The following SPATA17 variants were observed in gnomAD, a reference collection of about 807,000 sequenced individuals.
SPATA17 encodes the protein spermatogenesis associated 17, also known as spermatogenesis-associated protein 17.
In SPATA17, 53 loss-of-function variants were observed where a neutral mutation model predicts 62.2. The observed-to-expected ratio is 0.85, with a 90% confidence interval of 0.68 to 1.07. The LOEUF (loss-of-function observed/expected upper bound fraction) is 1.07, where lower values mean the gene tolerates loss of function less well. Ranked by LOEUF, SPATA17 falls within the 50% of genes least tolerant of loss-of-function variation. The pLI is 0.00. For missense variants in SPATA17, 466 were observed against 425.5 expected (o/e 1.10, Z -0.84); for synonymous variants, 146 against 146.8 (o/e 0.99, Z 0.04).
intron 9 of SPATA17, among the ~76,000 whole-genome samples, chr1:217,834,313 G>T (rs903469195): frequency 6.6e-6 from 1 of 152,040 alleles, no homozygotes. Context: ...TTATTTTAGC[G>T]TGTATTGCTT....
At chr1:217,720,863 G>A (rs989118003) in intron 5 of SPATA17, among the ~76,000 whole-genome samples, 2 of 152,160 alleles carry the variant, frequency 1.3e-5, no homozygotes, top group East Asian at 1.9e-4. Flanking sequence ...ACACTCCAGC[G>A]GAGAGGATGT....
intron 8 of SPATA17, among the ~76,000 whole-genome samples, chr1:217,797,565 C>T (rs1237672233): frequency 1.3e-5 from 2 of 151,994 alleles, no homozygotes; most frequent in Non-Finnish European, 2.9e-5. Flanking sequence ...TTACTGCTTT[C>T]TATATTATAA....
intron 6 of SPATA17, among the ~76,000 whole-genome samples, chr1:217,760,712 C>CA (rs1331056237): frequency 7.2e-5 from 11 of 152,090 alleles, no homozygotes; most frequent in African/African-American, 2.4e-4. Context: ...TTTTCTTTAA[C>CA]AAAAGAAAAT....
Position 217,870,339 on chromosome 1 carries a change from TGTAA to T in SPATA17, c.*3325_*3328del, listed in dbSNP as rs1409598714. 6.6e-6 allele frequency: 1 copy of T among 152,178 alleles called. No homozygotes were observed. Among genetic ancestry groups the T allele is most frequent in the Non-Finnish European group, 1.5e-5 (1 of 68,046 alleles). 9.4% of individuals were successfully genotyped at this position (152,178 alleles called of 1,614,324 possible). Reference sequence around the variant, plus strand: ...CTTAAGGCTCTTTATCGCTAGTGTATGTAAGTAATATCATTGTCCTTAACCACCA... The same window carrying T: ...CTTAAGGCTCTTTATCGCTAGTGTATGTAATATCATTGTCCTTAACCACCA... On this transcript the variant is annotated 3_prime_UTR_variant, in exon 11 of 11. Coordinates refer to ENST00000366933, the MANE Select transcript of SPATA17 (RefSeq NM_138796.4).
chr1:217,784,539 A>C (rs1385037575), intron 8 of SPATA17, among the ~76,000 whole-genome samples: 1 of 152,142 alleles, frequency 6.6e-6, no homozygotes, highest in Non-Finnish European at 1.5e-5. Flanking sequence ...TTCGGTTAGT[A>C]ATTTAGCCCA....
At chr1:217,852,135 A>C (rs1675680590) in intron 9 of SPATA17, among the ~76,000 whole-genome samples, 1 of 152,202 alleles carries the variant, frequency 6.6e-6, no homozygotes, top group Non-Finnish European at 1.5e-5. Context: ...ACCAGAGCCC[A>C]CAGTTACGAA....
chr1:217,754,582 A>T lies in SPATA17; in HGVS notation c.519+12484A>T, dbSNP rs114836073. ...ATGCTATTATGTATAACTGATAAAT[A>T]ATCAGTTTGTAAGGTTTGTCAGGTT... On this transcript the variant is annotated intron_variant, in intron 6 of 10. Coordinates refer to ENST00000366933, the MANE Select transcript of SPATA17 (RefSeq NM_138796.4). Among the ~76,000 whole-genome samples the T allele has an allele frequency of 2.3e-3, 346 of 152,280 alleles. 3 individuals carry two copies. The highest frequency in any genetic ancestry group is 8.1e-3 in the African/African-American group (337 of 41,572).
intron 3 of SPATA17, among the ~76,000 whole-genome samples, chr1:217,656,631 C>G (rs1558554026): frequency 2.6e-5 from 4 of 152,012 alleles, no homozygotes; most frequent in African/African-American, 9.7e-5. Flanking sequence ...AGGCATGAAA[C>G]AGAATCATAG....
chr1:217,850,613 G>T (rs1362339562), intron 9 of SPATA17: 1 of 1,594,364 alleles, frequency 6.3e-7, no homozygotes, highest in Non-Finnish European at 8.6e-7. Flanking sequence ...TGCCAGTCAG[G>T]GTCTTCACGA....
At chr1:217,837,631 C>T (rs750228346) in intron 9 of SPATA17, among the ~76,000 whole-genome samples, 3 of 152,012 alleles carry the variant, frequency 2.0e-5, no homozygotes, top group Non-Finnish European at 2.9e-5. Context: ...CTTTCTGGCC[C>T]TGCGTGTAGC....
chr1:217,831,511 A>G (rs1455046165), intron 9 of SPATA17, among the ~76,000 whole-genome samples: 1 of 152,264 alleles, frequency 6.6e-6, no homozygotes, highest in African/African-American at 2.4e-5. Flanking sequence ...GCCTCTCCTA[A>G]CTGCATCTTG....
intron 9 of SPATA17, among the ~76,000 whole-genome samples, chr1:217,851,517 C>T (rs1675665016): frequency 6.6e-6 from 1 of 152,220 alleles, no homozygotes; most frequent in East Asian, 1.9e-4. Context: ...TGTGACAGAA[C>T]TATTGACATT....
At chr1:217,700,556 G>A (rs938849341) in intron 5 of SPATA17, among the ~76,000 whole-genome samples, 2 of 151,900 alleles carry the variant, frequency 1.3e-5, no homozygotes, top group African/African-American at 4.8e-5. Context: ...TAGACATAAT[G>A]TGACCTGTCA....
At chr1:217,727,272 A>G (rs1384189888) in intron 5 of SPATA17, among the ~76,000 whole-genome samples, 1 of 147,142 alleles carries the variant, frequency 6.8e-6, no homozygotes, top group African/African-American at 2.6e-5. Context: ...TAATAATAAT[A>G]ATAATAATAA....
At chr1:217,793,030 C>G (rs983674635) in intron 8 of SPATA17, among the ~76,000 whole-genome samples, 10 of 152,040 alleles carry the variant, frequency 6.6e-5, no homozygotes, top group African/African-American at 2.4e-4. Context: ...GGGAAATATC[C>G]ATAGTGAACA....
intron 7 of SPATA17, 56 bp from the exon 8 acceptor site, chr1:217,782,118 G>T: frequency 6.6e-7 from 1 of 1,504,624 alleles, no homozygotes; most frequent in Non-Finnish European, 8.9e-7. Context: ...TTGGTCATCA[G>T]TAATACCTCA....
rs1320558965 is a variant in SPATA17 at position 217,871,368 on chromosome 1, AT to A, written c.*4352del. 2 of 151,784 alleles carry A rather than the reference AT, an allele frequency of 1.3e-5. No homozygotes were observed. Among genetic ancestry groups the A allele is most frequent in the African/African-American group, 2.4e-5 (1 of 41,312 alleles). 9.4% of individuals were successfully genotyped at this position (151,784 alleles called of 1,614,324 possible). ...ATTTTCTGTGCTAAATTCATCTTTAATTTATTATTTTTTTTCAACCTCAGCT... is the reference window on the plus strand; with the variant it reads ...ATTTTCTGTGCTAAATTCATCTTTAATTATTATTTTTTTTCAACCTCAGCT... On this transcript the variant is annotated 3_prime_UTR_variant, in exon 11 of 11. Coordinates refer to ENST00000366933, the MANE Select transcript of SPATA17 (RefSeq NM_138796.4).
At chr1:217,649,149 C>G (rs1404646761) in intron 2 of SPATA17, among the ~76,000 whole-genome samples, 178 bp downstream of exon 2, 1 of 151,384 alleles carries the variant, frequency 6.6e-6, no homozygotes, top group Non-Finnish European at 1.5e-5. Flanking sequence ...CTTTTCTTAC[C>G]AAAACTAAAT....
At chr1:217,764,268 A>G (rs1673246549) in intron 6 of SPATA17, among the ~76,000 whole-genome samples, 1 of 152,118 alleles carries the variant, frequency 6.6e-6, no homozygotes, top group African/African-American at 2.4e-5. Context: ...AACCTCCGTA[A>G]GCCACTGATC....
Sources: gnomAD v4.1 joint callset for allele counts (sites outside exome capture counted in the v4.1 genomes callset) on GRCh38, gnomAD v4.1.1 for gene constraint, MANE v1.5 for transcripts, NCBI Gene and HGNC (gene_info 2026-07-23, HGNC 2026-07-21) for gene names.